The following CHRNE variants were observed in gnomAD, a reference collection of about 807,000 sequenced individuals.
CHRNE encodes the protein cholinergic receptor nicotinic epsilon subunit, also known as acetylcholine receptor subunit epsilon.
Under a neutral mutation model 56.5 loss-of-function variants are expected in CHRNE, and 58 were observed. That is an observed-to-expected ratio of 1.03 (90% CI 0.83 to 1.28). CHRNE has a LOEUF of 1.28. Ranked by LOEUF, CHRNE falls within the 50% of genes most tolerant of loss-of-function variation. The pLI is 0.00. For missense variants in CHRNE, 793 were observed against 688.9 expected (o/e 1.15, Z -1.69); for synonymous variants, 385 against 297.9 (o/e 1.29, Z -3.01).
intron 11 of CHRNE, 51 bp downstream of exon 11, chr17:4,898,950 G>A (rs774059152): frequency 1.7e-5 from 26 of 1,562,952 alleles, no homozygotes; most frequent in Middle Eastern, 3.3e-4. Flanking sequence ...CGGCATGGGA[G>A]ACAGTGGTGG....
In CHRNE at chr17:4,900,986, T is replaced by A. The variant is rs2151097187; in HGVS notation, c.802+4A>T. ...TTGGGGGTAGGTTCGGGGCCACTGCTTACCCTGCGCCGGCAGGAAGTAGGC... is the reference window on the plus strand; with the variant it reads ...TTGGGGGTAGGTTCGGGGCCACTGCATACCCTGCGCCGGCAGGAAGTAGGC... On this transcript the variant is annotated splice_donor_region_variant and intron_variant, in intron 7 of 11. Coordinates refer to ENST00000649488, the MANE Select transcript of CHRNE (RefSeq NM_000080.4). 1 of 1,613,914 alleles carries A rather than the reference T, an allele frequency of 6.2e-7. No individual in the cohort carries two copies. The highest frequency in any genetic ancestry group is 2.2e-5 in the East Asian group (1 of 44,870).
chr17:4,901,451 G>A, intron 6 of CHRNE, 74 bp downstream of exon 6: 9 of 1,413,158 alleles, frequency 6.4e-6, no homozygotes, highest in Middle Eastern at 1.8e-4. Context: ...TTGGTCCGGG[G>A]CAAGCCCACC....
chr17:4,902,834 C>A lies in CHRNE; in HGVS notation c.47-71G>T. ...GGAGCACCTCTCTCCCCTCTGCCTC[C>A]CCTGGGTCCTCACAGGCCTCTGAGG... On this transcript the variant is annotated intron_variant, in intron 1 of 11. Transcript: ENST00000649488. The surrounding 1 kb of genome is among the most constrained non-coding windows in gnomAD (Gnocchi z 4.0). 6.2e-7 allele frequency: 1 copy of A among 1,609,290 alleles called. No homozygotes were observed. Among genetic ancestry groups the A allele is most frequent in the African/African-American group, 1.3e-5 (1 of 74,908 alleles).
rs147811172 is a variant in CHRNE at position 4,903,040 on chromosome 17, G to C, written c.24C>G (p.Val8=). Reference sequence around the variant, plus strand: ...TACCGAGAAGCCCCAAGAGGAGCAGGACCCCAAGCGGAGCCCTTGCCATCC... The same window carrying C: ...TACCGAGAAGCCCCAAGAGGAGCAGCACCCCAAGCGGAGCCCTTGCCATCC... MARAPLG[V]LLLLGLLGRG... is the part of the protein sequence containing the mutation. Residue 8 remains valine (V), a synonymous_variant, in exon 1 of 12, where the codon GTC becomes GTG. Coordinates refer to ENST00000649488, the MANE Select transcript of CHRNE (RefSeq NM_000080.4). The C allele has an allele frequency of 6.2e-7, 1 of 1,614,032 alleles. No individual in the cohort carries two copies. Among genetic ancestry groups the C allele is most frequent in the South Asian group, 1.1e-5 (1 of 91,056 alleles).
chr17:4,899,032 T>C lies in CHRNE; in HGVS notation c.1295A>G (p.Glu432Gly), dbSNP rs1157347707. The C allele has an allele frequency of 6.2e-7, 1 of 1,610,394 alleles. No homozygotes were observed. Among genetic ancestry groups the C allele is most frequent in the Middle Eastern group, 1.7e-4 (1 of 6,056 alleles). Residue 432 changes from glutamate (E) to glycine (G), a missense_variant, in exon 11 of 12, where the codon GAG becomes GGG. By Grantham distance (98) the Glu-to-Gly change is moderately conservative (BLOSUM62 -2). Transcript: ENST00000649488. ...CCVDAVNFVA[E>G]STRDQEATGE... ...GGTGGCCTCCTGATCTCTCGTGCTC[T>C]CGGCCACGAAGTTCACGGCATCCAC...
At chr17:4,900,314 G>C (rs1335126261) in intron 8 of CHRNE, 2 of 1,545,476 alleles carry the variant, frequency 1.3e-6, no homozygotes, top group Non-Finnish European at 1.7e-6. Context: ...GCAGGGATCC[G>C]GGTGCAGCGC....
chr17:4,900,492 A>G, intron 8 of CHRNE: 1 of 1,551,008 alleles, frequency 6.4e-7, no homozygotes, highest in Non-Finnish European at 8.7e-7. Context: ...AGGCCTCGGA[A>G]TCCCCGGAGA....
upstream of CHRNE, among the ~76,000 whole-genome samples, chr17:4,907,500 G>A (rs1462249324): frequency 2.7e-5 from 4 of 147,772 alleles, no homozygotes; most frequent in Admixed American, 6.8e-5. Flanking sequence ...CCCGGGAGGC[G>A]GAGCTTGCAG....
In CHRNE at chr17:4,899,096, G is replaced by A. The variant is rs1969839736; in HGVS notation, c.1231C>T (p.Gln411Ter). ...TCGGGGGCGGCGGCGCCCAGGCTCTGGCAGAAGGCAGCTGGCGGGGAAAAC... is the reference window on the plus strand; with the variant it reads ...TCGGGGGCGGCGGCGCCCAGGCTCTAGCAGAAGGCAGCTGGCGGGGAAAAC... ...RQGTWTAAFC[Q>*]SLGAAAPEVR... is the part of the protein sequence containing the mutation. Residue 411 changes from glutamine (Q) to a stop codon, truncating the protein, a stop_gained, in exon 11 of 12, where the codon CAG (glutamine) becomes TAG (stop). Coordinates refer to ENST00000649488, the MANE Select transcript of CHRNE (RefSeq NM_000080.4). LOFTEE classifies it high-confidence loss of function. 4.3e-6 allele frequency: 7 copies of A among 1,609,874 alleles called. No individual in the cohort carries two copies. The highest frequency in any genetic ancestry group is 5.9e-6 in the Non-Finnish European group (7 of 1,179,160).
At position 4,899,492 on chromosome 17, in the gene CHRNE, G is replaced by C. The variant is rs768479748; in HGVS notation, c.1008C>G (p.His336Gln). 4 of 1,601,126 alleles carry C rather than the reference G, an allele frequency of 2.5e-6. No homozygotes were observed. Among genetic ancestry groups the C allele is most frequent in the Non-Finnish European group, 3.4e-6 (4 of 1,175,276 alleles). Residue 336 changes from histidine (H) to glutamine (Q), a missense_variant, in exon 9 of 12, where the codon CAC (histidine) becomes CAG (glutamine). Coordinates refer to ENST00000649488, the MANE Select transcript of CHRNE (RefSeq NM_000080.4). ...LNVSQRTPTT[H>Q]AMSPRLRHVL... is the part of the protein sequence containing the mutation. ...CGTGGCGCAGCCGCGGGGACATGGC[G>C]TGGGTGGTGGGCGTCCGCTGGGACA...
intron 8 of CHRNE, 31 bp from the exon 9 acceptor site, chr17:4,899,613 T>C: frequency 2.0e-6 from 3 of 1,508,790 alleles, no homozygotes; most frequent in East Asian, 2.4e-5. Flanking sequence ...GACATCACCG[T>C]TCCTCCTCCC....
upstream of CHRNE, among the ~76,000 whole-genome samples, chr17:4,903,871 T>C (rs115900807): frequency 6.6e-6 from 1 of 151,526 alleles, no homozygotes; most frequent in Non-Finnish European, 1.5e-5. Context: ...AAAAAAAATT[T>C]TTTTGAGACC....
chr17:4,898,641 A>G lies in CHRNE; in HGVS notation c.*95T>C. The G allele has an allele frequency of 6.8e-7, 1 of 1,470,026 alleles. No individual in the cohort carries two copies. Among genetic ancestry groups the G allele is most frequent in the Admixed American group, 2.0e-5 (1 of 50,906 alleles). 91.1% of individuals were successfully genotyped at this position (1,470,026 alleles called of 1,614,324 possible). A position where few individuals can be genotyped will look rare whatever the true frequency, so the allele number is the denominator to read the frequency against. ...GTTCACAAACTGCAGATTGATCAGC[A>G]GGGGGAAGGGATCATAATGCCGTGG... On this transcript the variant is annotated 3_prime_UTR_variant, in exon 12 of 12. Coordinates refer to ENST00000649488, the MANE Select transcript of CHRNE (RefSeq NM_000080.4).
Position 4,902,619 on chromosome 17 carries a change from A to T in CHRNE, c.189+2T>A. 6.2e-7 allele frequency: 1 copy of T among 1,614,106 alleles called. No homozygotes were observed. Among genetic ancestry groups the T allele is most frequent in the Non-Finnish European group, 8.5e-7 (1 of 1,180,026 alleles). Reference sequence around the variant, plus strand: ...CTTAAGATGAGGGTGGGGGTAGCTTACCAGTGAGATGAGATTCGTCAGGGT... The same window carrying T: ...CTTAAGATGAGGGTGGGGGTAGCTTTCCAGTGAGATGAGATTCGTCAGGGT... On this transcript the variant is annotated splice_donor_variant, in intron 2 of 11. Coordinates refer to ENST00000649488, the MANE Select transcript of CHRNE (RefSeq NM_000080.4). LOFTEE classifies it high-confidence loss of function. The surrounding 1 kb of genome is among the most constrained non-coding windows in gnomAD (Gnocchi z 4.0).
In CHRNE at chr17:4,899,280, G is replaced by A. The variant is rs368940455; in HGVS notation, c.1137C>T (p.Leu379=). The change falls in exon 10 of 12, where the codon CTC becomes CTT. Residue 379 remains leucine, a synonymous_variant. Transcript: ENST00000649488. ...TTTTCAGTATCAGCTCCTCCGCGCGGAGCAATAAGCCCACCGACGACGCCC... is the reference window on the plus strand; with the variant it reads ...TTTTCAGTATCAGCTCCTCCGCGCGAAGCAATAAGCCCACCGACGACGCCC... The part of the protein sequence containing the change: ...PRRASSVGLL[L]RAEELILKKP... 11 of 1,600,462 alleles carry A rather than the reference G, an allele frequency of 6.9e-6. No homozygotes were observed. Among genetic ancestry groups the A allele is most frequent in the South Asian group, 1.1e-5 (1 of 90,514 alleles).
Position 4,898,879 on chromosome 17 carries a change from A to C in CHRNE, c.1339T>G (p.Trp447Gly). The C allele has an allele frequency of 6.3e-7, 1 of 1,581,990 alleles. No individual in the cohort carries two copies. The change falls in exon 12 of 12, where the codon TGG becomes GGG. Residue 447 changes from tryptophan to glycine, a missense_variant. Trp to Gly is a radical substitution (Grantham distance 184, BLOSUM62 -2). Transcript: ENST00000649488. ...TCAAGGGCATTCCCCATGCGCACCC[A>C]GTCGGACACTTCCTGGGGAAGGGTC... ...QEATGEEVSD[W>G]VRMGNALDNI...
rs1377386170 is a variant in CHRNE, at chr17:4,898,891, C to T, written c.1327G>A (p.Glu443Lys). Residue 443 changes from glutamate to lysine, a missense_variant and splice_region_variant, in exon 12 of 12, where the codon GAA becomes AAA. Transcript: ENST00000649488. ...STRDQEATGEEVSDWVRMGNA... is the reference protein window; with the variant it reads ...STRDQEATGEKVSDWVRMGNA... ...CCCATGCGCACCCAGTCGGACACTT[C>T]CTGGGGAAGGGTCGGCACAGTCAGT... 2 of 1,577,482 alleles carry T rather than the reference C, an allele frequency of 1.3e-6. No homozygotes were observed. The highest frequency in any genetic ancestry group is 1.7e-6 in the Non-Finnish European group (2 of 1,162,120).
At position 4,898,355 on chromosome 17, in the gene CHRNE, T is replaced by G; in HGVS notation, c.*381A>C. 2 of 319,778 alleles carry G rather than the reference T, an allele frequency of 6.3e-6. No individual in the cohort carries two copies. Among genetic ancestry groups the G allele is most frequent in the South Asian group, 5.5e-5 (2 of 36,518 alleles). 19.8% of individuals were successfully genotyped at this position (319,778 alleles called of 1,614,324 possible). On this transcript the variant is annotated 3_prime_UTR_variant, in exon 12 of 12. Coordinates refer to ENST00000649488, the MANE Select transcript of CHRNE (RefSeq NM_000080.4). ...GAGGGTTTCCTGGCTACAGCCTCCC[T>G]GTGTGCAAGTCCTGCAAAGGGGTCT... is the stretch of plus-strand genomic sequence containing the variant.
chr17:4,907,190 G>A (rs1970101045), upstream of CHRNE, among the ~76,000 whole-genome samples: 2 of 151,990 alleles, frequency 1.3e-5, no homozygotes, highest in South Asian at 4.2e-4. Context: ...ACTTAAGAGT[G>A]TAATTGCATG....
Sources: gnomAD v4.1 joint callset for allele counts (sites outside exome capture counted in the v4.1 genomes callset) on GRCh38, gnomAD v4.1.1 for gene constraint, Gnocchi (gnomAD v3.1) non-coding constraint, MANE v1.5 for transcripts, NCBI Gene and HGNC (gene_info 2026-07-23, HGNC 2026-07-21) for gene names.